The following SLC30A8 variants were observed in gnomAD, a reference collection of about 807,000 sequenced individuals.
The protein encoded by SLC30A8 is proton-coupled zinc antiporter SLC30A8.
Under a neutral mutation model 36.9 loss-of-function variants are expected in SLC30A8, and 27 were observed. The observed-to-expected ratio is 0.73, with a 90% confidence interval of 0.54 to 1.01. The LOEUF (loss-of-function observed/expected upper bound fraction) is 1.01. SLC30A8 is among the 50% of genes least tolerant of loss of function. The pLI is 0.00. For synonymous variants in SLC30A8, 164 were observed against 172.4 expected (o/e 0.95, Z 0.38); for missense variants, 439 against 452.0 (o/e 0.97, Z 0.26).
intron 2 of SLC30A8, among the ~76,000 whole-genome samples, chr8:117,043,085 A>G (rs1817439891): frequency 6.6e-6 from 1 of 152,262 alleles, no homozygotes; most frequent in South Asian, 2.1e-4. Context: ...TATCAAAGAT[A>G]TATAACATAA....
chr8:117,126,437 AC>A lies in SLC30A8; in HGVS notation c.-225-8840del, dbSNP rs540074962. ...AAACAGGTTCAGAAAGATTTTGATT[AC>A]CCGGTTGGTGAATGGTACCCAAGTC... On this transcript the variant is annotated intron_variant, in intron 2 of 10. Coordinates refer to the SLC30A8 transcript ENST00000427715. Among the ~76,000 whole-genome samples, 472 of 152,076 alleles carry A rather than the reference AC, an allele frequency of 3.1e-3. 1 individual carries two copies. The highest frequency in any genetic ancestry group is 0.011 in the African/African-American group (453 of 41,526).
intron 1 of SLC30A8, among the ~76,000 whole-genome samples, chr8:116,996,060 A>G (rs1472915948): frequency 6.6e-6 from 1 of 152,058 alleles, no homozygotes; most frequent in Non-Finnish European, 1.5e-5. Context: ...ATATTTTCAT[A>G]TTTTCTCTAA....
chr8:117,056,993 A>C (rs1277315320), intron 2 of SLC30A8, among the ~76,000 whole-genome samples: 3 of 152,310 alleles, frequency 2.0e-5, no homozygotes, highest in Admixed American at 2.0e-4. Context: ...TCACTTGTAT[A>C]ATGAGGATAG....
At chr8:116,958,699 G>A (rs1814304138) in intron 1 of SLC30A8, among the ~76,000 whole-genome samples, 1 of 151,876 alleles carries the variant, frequency 6.6e-6, no homozygotes, top group South Asian at 2.1e-4. Context: ...GGGTCTCAAG[G>A]TTTATAGTTT....
intron 2 of SLC30A8, among the ~76,000 whole-genome samples, chr8:117,041,303 A>G (rs1817379791): frequency 6.6e-6 from 1 of 152,250 alleles, no homozygotes; most frequent in African/African-American, 2.4e-5. Flanking sequence ...TATAGCAGAA[A>G]GGAATTCCTA....
At chr8:117,097,175 A>G (rs1260523777) in intron 2 of SLC30A8, among the ~76,000 whole-genome samples, 4 of 151,402 alleles carry the variant, frequency 2.6e-5, no homozygotes, top group Non-Finnish European at 5.9e-5. Flanking sequence ...CGAGGTGGGC[A>G]GATCACGAGG....
intron 1 of SLC30A8, among the ~76,000 whole-genome samples, chr8:116,979,238 C>CAAAAAAAAAAAAAAAAAAA (rs67998633): frequency 1.6e-5 from 1 of 64,308 alleles, no homozygotes; most frequent in African/African-American, 5.8e-5. Context: ...GACCCTGTCT[C>CAAAAAAAAAAAAAAAAAAA]AAAAAAAAAA....
chr8:117,119,832 A>G (rs1404251057), intron 2 of SLC30A8, among the ~76,000 whole-genome samples: 1 of 151,980 alleles, frequency 6.6e-6, no homozygotes, highest in Non-Finnish European at 1.5e-5. Flanking sequence ...CTATACATCT[A>G]TACACAGACC....
chr8:117,094,681 G>T (rs1020415910), intron 2 of SLC30A8, among the ~76,000 whole-genome samples: 2 of 152,186 alleles, frequency 1.3e-5, no homozygotes, highest in African/African-American at 4.8e-5. Context: ...CAGCAGCCTG[G>T]CCCCCAGGCT....
Position 117,146,985 on chromosome 8 carries a change from G to C in SLC30A8, c.103G>C (p.Asp35His). The change falls in exon 2 of 8, where the codon GAT becomes CAT. Residue 35 changes from aspartate to histidine, a missense_variant. By Grantham distance (81) the Asp-to-His change is moderately conservative (BLOSUM62 -1). Coordinates refer to ENST00000456015, the MANE Select transcript of SLC30A8 (RefSeq NM_173851.3). Reference protein sequence around the residue: ...VELQQKPVNKDQCPRERPEEL... With the variant: ...VELQQKPVNKHQCPRERPEEL... ...ACTCCAACAGAAACCGGTGAATAAAGATCAGTGTCCCAGAGAGAGACCAGA... is the reference window on the plus strand; with the variant it reads ...ACTCCAACAGAAACCGGTGAATAAACATCAGTGTCCCAGAGAGAGACCAGA... 2 of 1,614,020 alleles carry C rather than the reference G, an allele frequency of 1.2e-6. No homozygotes were observed. The highest frequency in any genetic ancestry group is 1.7e-6 in the Non-Finnish European group (2 of 1,179,970).
intron 1 of SLC30A8, among the ~76,000 whole-genome samples, chr8:117,024,724 T>G (rs1816818776): frequency 6.6e-6 from 1 of 152,232 alleles, no homozygotes; most frequent in Non-Finnish European, 1.5e-5. Flanking sequence ...TAAACAAAGG[T>G]GCAGAGCAAC....
At chr8:116,969,532 AC>A (rs1224896208) in intron 1 of SLC30A8, among the ~76,000 whole-genome samples, 1 of 152,190 alleles carries the variant, frequency 6.6e-6, no homozygotes, top group East Asian at 1.9e-4. Flanking sequence ...TCACTTAATG[AC>A]AGGAACACAT....
intron 1 of SLC30A8, among the ~76,000 whole-genome samples, chr8:116,996,585 TTCTC>T (rs1211095463): frequency 1.3e-5 from 2 of 152,066 alleles, no homozygotes; most frequent in East Asian, 3.9e-4. Context: ...GTCTTTCTCT[TTCTC>T]TCTCTCCCTG....
intron 2 of SLC30A8, among the ~76,000 whole-genome samples, chr8:117,076,746 T>C (rs1328618108): frequency 1.3e-5 from 2 of 151,862 alleles, no homozygotes; most frequent in Non-Finnish European, 2.9e-5. Flanking sequence ...CTCTGATTTC[T>C]TCGAGGAGAG....
intron 2 of SLC30A8, among the ~76,000 whole-genome samples, chr8:117,148,000 G>A (rs865825177): frequency 6.6e-6 from 1 of 151,888 alleles, no homozygotes; most frequent in Admixed American, 6.6e-5. Context: ...ATCTCTGGGA[G>A]CTCTTTATAT....
intron 1 of SLC30A8, among the ~76,000 whole-genome samples, chr8:116,981,717 T>A (rs1233438029): frequency 1.3e-5 from 2 of 152,192 alleles, no homozygotes; most frequent in African/African-American, 2.4e-5. Flanking sequence ...GGCCTCCCAC[T>A]CCATCCATGT....
intron 1 of SLC30A8, among the ~76,000 whole-genome samples, chr8:117,020,123 C>T (rs1275662552): frequency 2.9e-4 from 44 of 152,106 alleles, no homozygotes; most frequent in Admixed American, 2.9e-3. Flanking sequence ...GGATTTGCAG[C>T]CAGTTGTTGC....
At chr8:117,151,802 T>C (rs1490536316) in intron 2 of SLC30A8, among the ~76,000 whole-genome samples, 1 of 152,234 alleles carries the variant, frequency 6.6e-6, no homozygotes, top group Non-Finnish European at 1.5e-5. Context: ...GTTTGGCAGA[T>C]AGAGCAACAT....
In SLC30A8 at chr8:116,988,426, AC is replaced by A. The variant is rs373727453; in HGVS notation, c.-266+37309del. 2.2e-3 allele frequency among the ~76,000 whole-genome samples: 339 copies of A among 152,222 alleles called. 1 individual carries two copies. The highest frequency in any genetic ancestry group is 0.01 in the Middle Eastern group (3 of 294). ...GGACAACTCCTTTTCCTCTCATGGT[AC>A]CAGGTATATCATGATGTCTCTTGCT... On this transcript the variant is annotated intron_variant, in intron 1 of 10. Transcript: ENST00000427715.
Sources: gnomAD v4.1 joint callset for allele counts (sites outside exome capture counted in the v4.1 genomes callset) on GRCh38, gnomAD v4.1.1 for gene constraint, MANE v1.5 for transcripts, NCBI Gene and HGNC (gene_info 2026-07-23, HGNC 2026-07-21) for gene names.